Variants in RAD54L2 observed in about 807,000 individuals in gnomAD.
RAD54L2 encodes the protein RAD54 like 2.
Under a neutral mutation model 138.4 loss-of-function variants are expected in RAD54L2, and 27 were observed. That is an observed-to-expected ratio of 0.20 (90% CI 0.14 to 0.27). The LOEUF is 0.27. Among genes scored for constraint, RAD54L2 ranks in the 10% least tolerant of loss-of-function variants. The probability of loss-of-function intolerance (pLI) is 1.00; values close to 1 mark genes in which losing one functional copy is unlikely to be tolerated. For synonymous variants in RAD54L2, 644 were observed against 723.2 expected (o/e 0.89, Z 1.76); for missense variants, 1,396 against 1,890.2 (o/e 0.74, Z 4.85).
At chr3:51,640,099 C>A in intron 14 of RAD54L2, 100 bp downstream of exon 14, 1 of 806,820 alleles carries the variant, frequency 1.2e-6, no homozygotes. Flanking sequence ...CCCCCAAGTG[C>A]TATTGTGAGG....
intron 21 of RAD54L2, among the ~76,000 whole-genome samples, chr3:51,659,400 C>T (rs552344666): frequency 3.3e-5 from 5 of 152,140 alleles, no homozygotes; most frequent in Admixed American, 6.5e-5. Flanking sequence ...CCACTGTGCC[C>T]GGCCCAAAAA....
chr3:51,557,960 C>T (rs1172711210), intron 2 of RAD54L2, among the ~76,000 whole-genome samples: 1 of 151,956 alleles, frequency 6.6e-6, no homozygotes, highest in African/African-American at 2.4e-5. Flanking sequence ...ATCCTCTCAC[C>T]TCAGCCCCAG....
chr3:51,558,629 C>T (rs1699027841), intron 2 of RAD54L2, among the ~76,000 whole-genome samples: 1 of 152,214 alleles, frequency 6.6e-6, no homozygotes, highest in South Asian at 2.1e-4. Context: ...TACCACTATG[C>T]CTGGCTAATT....
In RAD54L2 at chr3:51,667,652, G is replaced by A. The variant is rs1352548966; in HGVS notation, c.*4232G>A. On this transcript the variant is annotated 3_prime_UTR_variant, in exon 23 of 23. Coordinates refer to ENST00000684192, the MANE Select transcript of RAD54L2 (RefSeq NM_015106.4). ...AGCACCTCAAGGACTATTTGAGAAT[G>A]TTGTGCTCTCTATTGGTCACCTTGA... 1 of 152,282 alleles carries A rather than the reference G, an allele frequency of 6.6e-6. No homozygotes were observed. The highest frequency in any genetic ancestry group is 1.5e-5 in the Non-Finnish European group (1 of 68,098). The allele number at this position is 152,282 out of a possible 1,614,324, so 9.4% of individuals were successfully genotyped here. A position where few individuals can be genotyped will look rare whatever the true frequency, so the allele number is the denominator to read the frequency against.
At chr3:51,553,320 C>CCCGCCT (rs1577383854) in intron 2 of RAD54L2, among the ~76,000 whole-genome samples, 1 of 152,300 alleles carries the variant, frequency 6.6e-6, no homozygotes, top group East Asian at 1.9e-4. Context: ...TCGTGATCCA[C>CCCGCCT]CCGCCTCCGC....
At chr3:51,597,165 C>CA (rs145812228) in intron 3 of RAD54L2, among the ~76,000 whole-genome samples, 6,292 of 43,902 alleles carry the variant, frequency 0.14, 248 homozygotes, top group African/African-American at 0.22. Flanking sequence ...GACTTCATTT[C>CA]AAAAAAAAAA....
At chr3:51,578,319 G>A (rs1699527956) in intron 2 of RAD54L2, among the ~76,000 whole-genome samples, 1 of 152,104 alleles carries the variant, frequency 6.6e-6, no homozygotes, top group Non-Finnish European at 1.5e-5. Context: ...CGACATTCTA[G>A]GGAACAATGC....
chr3:51,629,259 TTC>T, intron 4 of RAD54L2, 73 bp from the exon 5 acceptor site: 1 of 1,465,926 alleles, frequency 6.8e-7, no homozygotes, highest in Non-Finnish European at 9.3e-7. Context: ...CAATGGCTAT[TTC>T]TCTCTTTAGC....
chr3:51,571,063 C>T (rs540300876), intron 2 of RAD54L2, among the ~76,000 whole-genome samples: 2 of 152,246 alleles, frequency 1.3e-5, no homozygotes, highest in South Asian at 2.1e-4. Flanking sequence ...TCAGGTGATA[C>T]ACCCGCCTCA....
chr3:51,660,082 C>A lies in RAD54L2; in HGVS notation c.3373C>A (p.Pro1125Thr). ...RIFAVRATGK[P>T]KVPEDGRMAA... ...CTTTGCTGTCCGGGCAACTGGCAAA[C>A]CAAAGGTTCCTGAAGATGGTCGGAT... Residue 1125 changes from proline to threonine, a missense_variant, in exon 22 of 23, where the codon CCA (proline) becomes ACA (threonine). This residue lies in a region of RAD54L2 where 634 missense variants were observed against 711.2 expected (regional missense o/e 0.89). Transcript: ENST00000684192. 1 of 1,600,702 alleles carries A rather than the reference C, an allele frequency of 6.2e-7. No homozygotes were observed. The highest frequency in any genetic ancestry group is 8.6e-7 in the Non-Finnish European group (1 of 1,168,914).
At chr3:51,630,635 G>T in intron 6 of RAD54L2, 70 bp from the exon 7 acceptor site, 1 of 1,302,400 alleles carries the variant, frequency 7.7e-7, no homozygotes. Flanking sequence ...GTAGTCTTCT[G>T]CTCTGACTGT....
intron 3 of RAD54L2, among the ~76,000 whole-genome samples, chr3:51,616,510 C>T (rs1328458477): frequency 5.3e-5 from 8 of 152,030 alleles, no homozygotes; most frequent in Non-Finnish European, 8.8e-5. Context: ...TGTATACATC[C>T]AGGTAATAAT....
Position 51,638,046 on chromosome 3 carries a change from GGGAGGTGTGGCA to G in RAD54L2, c.1683-93_1683-82del. ...GCAGTGCATGTTGAGATCCTCAAGAGGGAGGTGTGGCAGGAGTGCAAAAGGCTCTGTTTTTAT... is the reference window on the plus strand; with the variant it reads ...GCAGTGCATGTTGAGATCCTCAAGAGGGAGTGCAAAAGGCTCTGTTTTTAT... On this transcript the variant is annotated intron_variant, in intron 11 of 22. Coordinates refer to ENST00000684192, the MANE Select transcript of RAD54L2 (RefSeq NM_015106.4). The surrounding 1 kb of genome is among the most constrained non-coding windows in gnomAD (Gnocchi z 4.3). The G allele has an allele frequency of 2.7e-6, 3 of 1,127,924 alleles. No homozygotes were observed. In the East Asian group the frequency reaches 7.6e-5, roughly 29 times the overall value. 69.9% of individuals were successfully genotyped at this position (1,127,924 alleles called of 1,614,324 possible).
At chr3:51,655,875 T>G in intron 19 of RAD54L2, 96 bp from the exon 20 acceptor site, 1 of 1,048,734 alleles carries the variant, frequency 9.5e-7, no homozygotes, top group Non-Finnish European at 1.4e-6. Context: ...CAACTGATGG[T>G]GTAGAATGGG....
chr3:51,578,547 G>A (rs1348169751), intron 2 of RAD54L2, among the ~76,000 whole-genome samples: 1 of 152,150 alleles, frequency 6.6e-6, no homozygotes, highest in Non-Finnish European at 1.5e-5. Context: ...TTTTGAAGCA[G>A]GATATTTCCT....
chr3:51,631,480 A>G (rs1483959107), intron 7 of RAD54L2, among the ~76,000 whole-genome samples: 5 of 132,282 alleles, frequency 3.8e-5, no homozygotes, highest in Non-Finnish European at 6.4e-5. Flanking sequence ...GGCTGGGACT[A>G]TAGGCCTATA....
At position 51,645,502 on chromosome 3, in the gene RAD54L2, T is replaced by TCC; in HGVS notation, c.2657-89_2657-88insCC. ...CAGCACCTCAGACCTAGTCTTTGACTTTCAGATATGGGATGACTTTTCATT... is the reference window on the plus strand; with the variant it reads ...CAGCACCTCAGACCTAGTCTTTGACTCCTTCAGATATGGGATGACTTTTCATT... On this transcript the variant is annotated intron_variant, in intron 17 of 22. Coordinates refer to ENST00000684192, the MANE Select transcript of RAD54L2 (RefSeq NM_015106.4). This position sits in a 1 kb window ranked among gnomAD's most constrained non-coding sequence, Gnocchi z 6.1. 1 of 1,337,808 alleles carries TCC rather than the reference T, an allele frequency of 7.5e-7. No homozygotes were observed. Among genetic ancestry groups the TCC allele is most frequent in the Non-Finnish European group, 1.0e-6 (1 of 987,518 alleles). 82.9% of individuals were successfully genotyped at this position (1,337,808 alleles called of 1,614,324 possible). A position where few individuals can be genotyped will look rare whatever the true frequency, so the allele number is the denominator to read the frequency against.
intron 4 of RAD54L2, 68 bp downstream of exon 4, chr3:51,627,822 A>G: frequency 6.5e-7 from 1 of 1,543,108 alleles, no homozygotes; most frequent in Admixed American, 1.7e-5. Flanking sequence ...TAAGGCTGTC[A>G]ATAGCAAAAA....
intron 2 of RAD54L2, among the ~76,000 whole-genome samples, chr3:51,575,039 G>A (rs1699434937): frequency 6.6e-6 from 1 of 152,088 alleles, no homozygotes; most frequent in African/African-American, 2.4e-5. Context: ...TGTAAGGAAG[G>A]GATCCAGTTT....
Sources: allele counts gnomAD v4.1 joint callset (sites outside exome capture counted in the v4.1 genomes callset), GRCh38; gene constraint gnomAD v4.1.1; regional missense constraint gnomAD v4.1.1; non-coding constraint Gnocchi (gnomAD v3.1); transcripts MANE v1.5; gene names NCBI Gene and HGNC (gene_info 2026-07-23, HGNC 2026-07-21).